Variants in MALRD1 observed in about 807,000 individuals in gnomAD.
MALRD1 encodes the protein MAM and LDL receptor class A domain containing 1.
A neutral mutation model predicts 242.1 loss-of-function variants in MALRD1; 247 were observed. The ratio of observed to expected loss-of-function variants is 1.02; its 90% CI spans 0.92 to 1.13. MALRD1 has a LOEUF of 1.13. MALRD1 is among the 50% of genes most tolerant of loss of function. The pLI is 0.00. For missense variants in MALRD1, 2,989 were observed against 2,533.1 expected (o/e 1.18, Z -3.86); for synonymous variants, 995 against 866.6 (o/e 1.15, Z -2.60).
At chr10:19,271,479 G>A (rs1410045814) in intron 19 of MALRD1, among the ~76,000 whole-genome samples, 1 of 152,066 alleles carries the variant, frequency 6.6e-6, no homozygotes, top group Admixed American at 6.5e-5. Context: ...ATTTTAAAAT[G>A]TTAGGCCGGG....
At chr10:19,187,859 C>G (rs1218272444) in intron 14 of MALRD1, among the ~76,000 whole-genome samples, 2 of 152,144 alleles carry the variant, frequency 1.3e-5, no homozygotes, top group Non-Finnish European at 1.5e-5. Flanking sequence ...GTACTGTGCT[C>G]ACTACCTGGG....
At chr10:19,372,470 T>A (rs1564602970) in intron 26 of MALRD1, among the ~76,000 whole-genome samples, 1 of 151,902 alleles carries the variant, frequency 6.6e-6, no homozygotes, top group Non-Finnish European at 1.5e-5. Flanking sequence ...AAATAATATT[T>A]AATTTTTTTT....
chr10:19,165,039 T>G (rs1228695933), intron 12 of MALRD1, among the ~76,000 whole-genome samples: 1 of 151,676 alleles, frequency 6.6e-6, no homozygotes, highest in Admixed American at 6.6e-5. Context: ...AAGGAAACTT[T>G]TTCTTGTTTG....
chr10:19,453,548 A>T (rs1316281270), intron 29 of MALRD1, among the ~76,000 whole-genome samples: 1 of 152,198 alleles, frequency 6.6e-6, no homozygotes, highest in Non-Finnish European at 1.5e-5. Context: ...GAAAGGAATG[A>T]CTAATCTGGG....
At chr10:19,408,387 A>G (rs1038584530) in intron 28 of MALRD1, among the ~76,000 whole-genome samples, 41 of 152,250 alleles carry the variant, frequency 2.7e-4, no homozygotes, top group African/African-American at 9.4e-4. Context: ...ATCAAACTTC[A>G]CACGTGGTTT....
intron 16 of MALRD1, 124 bp from the exon 17 acceptor site, chr10:19,204,774 G>A: frequency 9.5e-7 from 1 of 1,049,030 alleles, no homozygotes; most frequent in Non-Finnish European, 1.3e-6. Context: ...AGTTATTGCG[G>A]GAAAGAAAAG....
chr10:19,538,667 C>G (rs1834792898), intron 32 of MALRD1, among the ~76,000 whole-genome samples: 1 of 151,912 alleles, frequency 6.6e-6, no homozygotes, highest in African/African-American at 2.4e-5. Flanking sequence ...GATGATTTCT[C>G]TAAAAATAAC....
At chr10:19,715,312 T>A (rs149355177) in intron 38 of MALRD1, among the ~76,000 whole-genome samples, 443 of 151,380 alleles carry the variant, frequency 2.9e-3, no homozygotes, top group African/African-American at 9.9e-3. Flanking sequence ...TTTACAATTA[T>A]ATTTATTAAT....
At chr10:19,400,016 G>A (rs535869800) in intron 28 of MALRD1, among the ~76,000 whole-genome samples, 1 of 152,192 alleles carries the variant, frequency 6.6e-6, no homozygotes, top group South Asian at 2.1e-4. Flanking sequence ...ACTTTCTTCT[G>A]CAAATACTGA....
chr10:19,087,446 CA>C (rs757575706), intron 2 of MALRD1, among the ~76,000 whole-genome samples: 4 of 150,896 alleles, frequency 2.7e-5, no homozygotes, highest in East Asian at 1.9e-4. Flanking sequence ...GTTCTTTAAA[CA>C]AAAAAAATTA....
chr10:19,716,527 C>A (rs550646111), intron 38 of MALRD1, among the ~76,000 whole-genome samples: 5 of 152,192 alleles, frequency 3.3e-5, no homozygotes, highest in Admixed American at 6.5e-5. Context: ...GTATAGCCTG[C>A]GGAACTGTGA....
At chr10:19,214,885 G>A (rs1199554088) in intron 18 of MALRD1, among the ~76,000 whole-genome samples, 1 of 152,176 alleles carries the variant, frequency 6.6e-6, no homozygotes, top group Non-Finnish European at 1.5e-5. Flanking sequence ...TGTGGTGTTA[G>A]AGGACTCTCT....
intron 36 of MALRD1, among the ~76,000 whole-genome samples, chr10:19,671,069 T>A (rs1210318660): frequency 6.6e-6 from 1 of 151,972 alleles, no homozygotes; most frequent in Non-Finnish European, 1.5e-5. Context: ...ATTTTTATTT[T>A]TAGTAGAGAC....
At chr10:19,297,475 A>C (rs1160615523) in intron 21 of MALRD1, among the ~76,000 whole-genome samples, 3 of 151,754 alleles carry the variant, frequency 2.0e-5, no homozygotes, top group Non-Finnish European at 2.9e-5. Flanking sequence ...TGGAATAATA[A>C]AGTTTGGGGT....
chr10:19,516,801 A>G (rs542008296), intron 31 of MALRD1, among the ~76,000 whole-genome samples: 1 of 147,442 alleles, frequency 6.8e-6, no homozygotes, highest in South Asian at 2.1e-4. Flanking sequence ...CTTCTCCTTC[A>G]TCATTATCAT....
At chr10:19,689,972 A>G (rs1246736345) in intron 36 of MALRD1, among the ~76,000 whole-genome samples, 2 of 152,068 alleles carry the variant, frequency 1.3e-5, no homozygotes, top group Non-Finnish European at 2.9e-5. Flanking sequence ...AATTTACTGA[A>G]ATCTATTAAA....
rs116965706 is a variant in MALRD1, at chr10:19,224,599, G to C, written c.2991+14919G>C. On this transcript the variant is annotated intron_variant, in intron 18 of 39. Transcript: ENST00000454679. The stretch of plus-strand genomic sequence containing the variant: ...AGCCACCACGCCCAGCCTATGATGA[G>C]CTTTTTTTCATATGTTTATTGGCCG... 3.5e-3 allele frequency among the ~76,000 whole-genome samples: 530 copies of C among 152,254 alleles called. 3 individuals carry two copies. The highest frequency in any genetic ancestry group is 0.012 in the South Asian group (56 of 4,826).
intron 36 of MALRD1, among the ~76,000 whole-genome samples, chr10:19,643,323 G>A (rs1840485294): frequency 6.6e-6 from 1 of 152,034 alleles, no homozygotes; most frequent in African/African-American, 2.4e-5. Context: ...GCAGGTGCCT[G>A]TAATCCCAAC....
chr10:19,296,676 A>G (rs1841716463), intron 21 of MALRD1, among the ~76,000 whole-genome samples: 3 of 152,116 alleles, frequency 2.0e-5, no homozygotes, highest in Non-Finnish European at 4.4e-5. Flanking sequence ...TAAATATCTT[A>G]TTGGCTATTC....
Sources: allele counts gnomAD v4.1 joint callset (sites outside exome capture counted in the v4.1 genomes callset), GRCh38; gene constraint gnomAD v4.1.1; transcripts MANE v1.5; gene names NCBI Gene and HGNC (gene_info 2026-07-23, HGNC 2026-07-21).